DAPK1: variants seen among roughly 807,000 people sequenced by gnomAD.
DAPK1 encodes death associated protein kinase 1.
DAPK1 carries 56 observed loss-of-function variants against 144.9 expected under a neutral mutation model. That is an observed-to-expected ratio of 0.39 (90% CI 0.31 to 0.48). DAPK1 has a LOEUF of 0.48. DAPK1 is among the 20% of genes least tolerant of loss of function. The probability of loss-of-function intolerance (pLI) is 0.95; values close to 1 mark genes in which losing one functional copy is unlikely to be tolerated. For missense variants in DAPK1, 1,454 were observed against 1,875.4 expected, an observed-to-expected ratio of 0.78 and a Z score of 4.15; for synonymous variants, 690 against 749.0, an observed-to-expected ratio of 0.92 and a Z score of 1.29.
intron 3 of DAPK1, chr9:87,633,342 A>G (rs1010409949): frequency 6.1e-6 from 6 of 984,928 alleles, no homozygotes; most frequent in African/African-American, 1.8e-5. Flanking sequence ...GAAGATGAGT[A>G]TATGTGCGTA....
In DAPK1 at chr9:87,658,015, T is replaced by C. The variant is rs1423596963; in HGVS notation, c.1825-14T>C. 1.0e-5 allele frequency: 11 copies of C among 1,090,198 alleles called. No individual in the cohort carries two copies. In the Admixed American group the frequency reaches 1.2e-4, roughly 12 times the overall value. The allele number at this position is 1,090,198 out of a possible 1,614,324, so 67.5% of individuals were successfully genotyped here. A position where few individuals can be genotyped will look rare whatever the true frequency, so the allele number is the denominator to read the frequency against. On this transcript the variant is annotated splice_polypyrimidine_tract_variant and intron_variant, in intron 17 of 25. Coordinates refer to ENST00000408954, the MANE Select transcript of DAPK1 (RefSeq NM_004938.4). ...TGAGAAGAACGACCTTTGGCCTTTT[T>C]TCTCTCTTCCCAGTATGGGCGAACG...
chr9:87,629,551 A>C (rs948540319), intron 3 of DAPK1, among the ~76,000 whole-genome samples: 1 of 152,166 alleles, frequency 6.6e-6, no homozygotes. Context: ...GTTTTTAAAA[A>C]TTTTATGTAG....
At chr9:87,665,279 GC>G (rs1364422257) in intron 18 of DAPK1, among the ~76,000 whole-genome samples, 1 of 152,106 alleles carries the variant, frequency 6.6e-6, no homozygotes, top group African/African-American at 2.4e-5. Context: ...TGTATCCATA[GC>G]CCTGTGCATA....
chr9:87,632,426 A>G (rs1299702503), intron 3 of DAPK1: 6 of 973,052 alleles, frequency 6.2e-6, no homozygotes, highest in African/African-American at 1.9e-5. Flanking sequence ...GAAGGAGGAT[A>G]AGTGTGTATG....
chr9:87,668,363 C>G lies in DAPK1; in HGVS notation c.1924-234C>G, dbSNP rs1831131107. On this transcript the variant is annotated intron_variant, in intron 18 of 25. Transcript: ENST00000408954. ...GGACCTGAAAGGTGTCGCTATTGGA[C>G]AGGAAGACACCAACATGTGCTTTGT... 2.3e-5 allele frequency: 12 copies of G among 526,002 alleles called. No homozygotes were observed. In the South Asian group the frequency reaches 2.6e-4, roughly 11 times the overall value. 32.6% of individuals were successfully genotyped at this position (526,002 alleles called of 1,614,324 possible).
rs141455279 is a variant in DAPK1, at chr9:87,678,488, G to A, written c.2002-2916G>A. Among the ~76,000 whole-genome samples, 23 of 152,362 alleles carry A rather than the reference G, an allele frequency of 1.5e-4. 1 individual carries two copies. The East Asian group carries it at 3.9e-3, about 26-fold the overall frequency. On this transcript the variant is annotated intron_variant, in intron 19 of 25. Coordinates refer to ENST00000408954, the MANE Select transcript of DAPK1 (RefSeq NM_004938.4). ...ATGGCAGCTCCAGCACCACAGCAGC[G>A]TGCTGAGCTGATGTCCAGAAATCGG...
chr9:87,622,781 C>T (rs909432798), intron 3 of DAPK1, among the ~76,000 whole-genome samples: 5 of 151,862 alleles, frequency 3.3e-5, no homozygotes, highest in East Asian at 1.9e-4. Flanking sequence ...TGTGGTGGGG[C>T]GCACCTGTAA....
intron 2 of DAPK1, among the ~76,000 whole-genome samples, chr9:87,529,824 A>G (rs1825642912): frequency 6.6e-6 from 1 of 152,242 alleles, no homozygotes; most frequent in African/African-American, 2.4e-5. Context: ...CCCCTAGAAC[A>G]GGTCAGACCT....
chr9:87,534,807 G>A (rs1050585915), intron 2 of DAPK1, among the ~76,000 whole-genome samples: 2 of 151,924 alleles, frequency 1.3e-5, no homozygotes, highest in African/African-American at 4.8e-5. Context: ...ACCACGCCTG[G>A]CTAACTTTTG....
intron 2 of DAPK1, among the ~76,000 whole-genome samples, chr9:87,597,152 A>G (rs1216295344): frequency 6.6e-6 from 1 of 152,210 alleles, no homozygotes; most frequent in Non-Finnish European, 1.5e-5. Flanking sequence ...CACTTCTGCC[A>G]CATTCTGTGG....
intron 2 of DAPK1, among the ~76,000 whole-genome samples, chr9:87,569,432 T>TC (rs1693664930): frequency 6.6e-6 from 1 of 152,238 alleles, no homozygotes; most frequent in Admixed American, 6.5e-5. Flanking sequence ...ATGTGCTTCA[T>TC]CGCAGGTGCC....
chr9:87,510,275 G>A (rs1272635871), intron 2 of DAPK1, among the ~76,000 whole-genome samples: 1 of 152,138 alleles, frequency 6.6e-6, no homozygotes, highest in African/African-American at 2.4e-5. Flanking sequence ...AGTGTGATTT[G>A]GGCATTGAAT....
In DAPK1 at chr9:87,497,991, C is replaced by G. The variant is rs574146747; in HGVS notation, c.-225C>G. ...CCGGCGCCTGGGAGGGATCTGCGCC[C>G]CCCACTCACTCCCTAGCTGTGTTCC... is the stretch of plus-strand genomic sequence containing the variant. On this transcript the variant is annotated 5_prime_UTR_variant, in exon 1 of 26. Coordinates refer to ENST00000408954, the MANE Select transcript of DAPK1 (RefSeq NM_004938.4). 34 of 397,448 alleles carry G rather than the reference C, an allele frequency of 8.6e-5. No homozygotes were observed. Among genetic ancestry groups the G allele is most frequent in the African/African-American group, 5.3e-4 (26 of 48,708 alleles). The allele number at this position is 397,448 out of a possible 1,614,324, so 24.6% of individuals were successfully genotyped here. A position where few individuals can be genotyped will look rare whatever the true frequency, so the allele number is the denominator to read the frequency against.
chr9:87,514,224 G>A (rs935933630), intron 2 of DAPK1, among the ~76,000 whole-genome samples: 2 of 152,134 alleles, frequency 1.3e-5, no homozygotes, highest in Non-Finnish European at 2.9e-5. Context: ...GATGAGAGAA[G>A]ATATTGACCT....
rs552795508 is a variant in DAPK1, at chr9:87,707,457, T to C, written c.*93T>C. The C allele has an allele frequency of 2.0e-4, 176 of 859,476 alleles. No individual in the cohort carries two copies. Among genetic ancestry groups the C allele is most frequent in the Non-Finnish European group, 3.0e-4 (166 of 558,202 alleles). The allele number at this position is 859,476 out of a possible 1,614,324, so 53.2% of individuals were successfully genotyped here. On this transcript the variant is annotated 3_prime_UTR_variant, in exon 26 of 26. Coordinates refer to ENST00000408954, the MANE Select transcript of DAPK1 (RefSeq NM_004938.4). The surrounding 1 kb of genome is among the most constrained non-coding windows in gnomAD (Gnocchi z 4.0). ...TCCCTTTGGAGATGCTGAGGGTGTT[T>C]CTTCCTGCACCCACAGCCAGGGGGA...
chr9:87,557,769 C>T (rs1243193099), intron 2 of DAPK1, among the ~76,000 whole-genome samples: 6 of 152,098 alleles, frequency 3.9e-5, no homozygotes, highest in African/African-American at 1.2e-4. Context: ...GGTGAAACCT[C>T]GTCTTTACTA....
In DAPK1 at chr9:87,668,380, G is replaced by A. The variant is rs964813343; in HGVS notation, c.1924-217G>A. The A allele has an allele frequency of 1.1e-4, 63 of 554,552 alleles. 1 individual carries two copies. The highest frequency in any genetic ancestry group is 6.0e-4 in the South Asian group (29 of 47,982). The allele number at this position is 554,552 out of a possible 1,614,324, so 34.4% of individuals were successfully genotyped here. A position where few individuals can be genotyped will look rare whatever the true frequency, so the allele number is the denominator to read the frequency against. The stretch of plus-strand genomic sequence containing the variant: ...CTATTGGACAGGAAGACACCAACAT[G>A]TGCTTTGTTCCTGCGTCTTACCTTC... On this transcript the variant is annotated intron_variant, in intron 18 of 25. Coordinates refer to ENST00000408954, the MANE Select transcript of DAPK1 (RefSeq NM_004938.4).
chr9:87,579,909 T>C (rs1033892068), intron 2 of DAPK1, among the ~76,000 whole-genome samples: 1 of 152,182 alleles, frequency 6.6e-6, no homozygotes, highest in African/African-American at 2.4e-5. Context: ...TAACCACTTG[T>C]GGATCAAGGT....
At chr9:87,697,758 G>T (rs1825311316) in intron 22 of DAPK1, among the ~76,000 whole-genome samples, 1 of 152,200 alleles carries the variant, frequency 6.6e-6, no homozygotes, top group Non-Finnish European at 1.5e-5. Context: ...TTCAAGACCA[G>T]CCTGGCCCAC....
Sources: allele counts gnomAD v4.1 joint callset (sites outside exome capture counted in the v4.1 genomes callset), GRCh38; gene constraint gnomAD v4.1.1; non-coding constraint Gnocchi (gnomAD v3.1); transcripts MANE v1.5; gene names NCBI Gene and HGNC (gene_info 2026-07-23, HGNC 2026-07-21).